Variants in CDC14A observed in about 807,000 individuals in gnomAD.
CDC14A encodes the protein cell division cycle 14A.
CDC14A carries 53 observed loss-of-function variants against 74.4 expected under a neutral mutation model. The observed-to-expected ratio is 0.71, with a 90% CI of 0.57 to 0.89. The LOEUF (loss-of-function observed/expected upper bound fraction) is 0.89, where lower values mean the gene tolerates loss of function less well. Among genes scored for constraint, CDC14A ranks in the 40% least tolerant of loss-of-function variants. CDC14A has a pLI of 0.00. For synonymous variants in CDC14A, 247 were observed against 258.4 expected, an observed-to-expected ratio of 0.96 and a Z score of 0.43; for missense variants, 646 against 713.7, an observed-to-expected ratio of 0.91 and a Z score of 1.08.
chr1:100,452,735 A>C (rs981209034), intron 7 of CDC14A, among the ~76,000 whole-genome samples: 1 of 151,978 alleles, frequency 6.6e-6, no homozygotes, highest in Non-Finnish European at 1.5e-5. Flanking sequence ...TTTTTTGCAT[A>C]GTATTTGGTA....
intron 10 of CDC14A, among the ~76,000 whole-genome samples, chr1:100,474,598 T>C (rs1668707625): frequency 8.1e-6 from 1 of 123,698 alleles, no homozygotes; most frequent in Non-Finnish European, 1.7e-5. Flanking sequence ...AAAATTATGT[T>C]TGTGGAGTGT....
chr1:100,516,176 AAAT>A (rs1202824312), intron 15 of CDC14A, among the ~76,000 whole-genome samples: 2 of 152,204 alleles, frequency 1.3e-5, no homozygotes, highest in African/African-American at 4.8e-5. Context: ...GAAATCTTTA[AAAT>A]GTTCTAGACT....
chr1:100,476,115 G>A (rs1388086303), intron 10 of CDC14A, among the ~76,000 whole-genome samples: 1 of 152,158 alleles, frequency 6.6e-6, no homozygotes, highest in Non-Finnish European at 1.5e-5. Flanking sequence ...CCCTTTTCCT[G>A]TTCCTTTGAC....
At chr1:100,446,342 T>A (rs1327781723) in intron 7 of CDC14A, among the ~76,000 whole-genome samples, 1 of 152,326 alleles carries the variant, frequency 6.6e-6, no homozygotes, top group East Asian at 1.9e-4. Context: ...GGGAATCTTA[T>A]AGAAAGAGTG....
At chr1:100,518,206 A>T in intron 15 of CDC14A, 45 bp from the exon 16 acceptor site, 6 of 1,519,460 alleles carry the variant, frequency 3.9e-6, no homozygotes, top group Non-Finnish European at 5.5e-6. Flanking sequence ...TAGAAGTTTT[A>T]CATGTGATGG....
chr1:100,420,057 C>CATATATATAT (rs1383225482), intron 4 of CDC14A, among the ~76,000 whole-genome samples: 23 of 30,560 alleles, frequency 7.5e-4, no homozygotes, highest in African/African-American at 1.4e-3. Flanking sequence ...CACACACACA[C>CATATATATAT]ACACACATAT....
chr1:100,499,500 A>C, intron 15 of CDC14A: 5 of 1,301,550 alleles, frequency 3.8e-6, no homozygotes, highest in Admixed American at 3.1e-5. Flanking sequence ...CTTACCCCCA[A>C]CTCCTTTTTA....
chr1:100,363,942 C>A (rs1653167911), intron 2 of CDC14A, among the ~76,000 whole-genome samples: 1 of 152,112 alleles, frequency 6.6e-6, no homozygotes, highest in Non-Finnish European at 1.5e-5. Context: ...ATTGCTCGAG[C>A]AACATGCTGA....
chr1:100,375,108 G>C (rs375879513), intron 2 of CDC14A, among the ~76,000 whole-genome samples: 1 of 152,204 alleles, frequency 6.6e-6, no homozygotes, highest in Non-Finnish European at 1.5e-5. Flanking sequence ...GATTGGAAAG[G>C]CTTCATGGAG....
rs1553190651 is a variant in CDC14A at position 100,466,890 on chromosome 1, A to AAAAAG, written c.839-1066_839-1065insAAAAG. Among the ~76,000 whole-genome samples the AAAAAG allele has an allele frequency of 3.0e-3, 448 of 149,034 alleles. 3 individuals carry two copies. Among genetic ancestry groups the AAAAAG allele is most frequent in the African/African-American group, 0.011 (432 of 39,310 alleles). On this transcript the variant is annotated intron_variant, in intron 9 of 15. Transcript: ENST00000336454. The stretch of plus-strand genomic sequence containing the variant: ...GGTCTCCAAAAAAAAAAAAAAAAAA[A>AAAAAG]GAAGGGTTAATGGGAAGGAAATGTC...
rs553550297 is a variant in CDC14A, at chr1:100,381,272, G to A, written c.216+3651G>A. ...CTGTGTGCTGATTTCTTAACCCTTT[G>A]TTATCTAACTTTTGCCTTCCCTACT... On this transcript the variant is annotated intron_variant, in intron 3 of 15. Coordinates refer to ENST00000336454, the MANE Select transcript of CDC14A (RefSeq NM_003672.4). Among the ~76,000 whole-genome samples the A allele has an allele frequency of 5.3e-5, 8 of 152,242 alleles. No homozygotes were observed. The South Asian group carries it at 1.5e-3, about 28-fold the overall frequency.
chr1:100,362,972 G>C (rs887187032), intron 2 of CDC14A: 1 of 152,228 alleles, frequency 6.6e-6, no homozygotes, highest in Non-Finnish European at 1.5e-5. Flanking sequence ...AGGGAAAAGC[G>C]GGCCTGCAGC....
chr1:100,514,089 T>C (rs1650003227), intron 15 of CDC14A, among the ~76,000 whole-genome samples: 1 of 117,266 alleles, frequency 8.5e-6, no homozygotes, highest in Admixed American at 1.0e-4. Context: ...TTGAATATTA[T>C]ATTTGAGAAA....
intron 6 of CDC14A, among the ~76,000 whole-genome samples, chr1:100,442,010 T>C (rs1246670232): frequency 6.6e-6 from 1 of 152,114 alleles, no homozygotes; most frequent in African/African-American, 2.4e-5. Flanking sequence ...TTGTATTCTG[T>C]TGTAATCTGT....
At chr1:100,349,589 A>G (rs1650734506), upstream of CDC14A, among the ~76,000 whole-genome samples, 1 of 152,192 alleles carries the variant, frequency 6.6e-6, no homozygotes, top group Admixed American at 6.5e-5. Flanking sequence ...AATTTTCTAT[A>G]CCATTTAGAA....
At chr1:100,499,731 G>A (rs115422169) in intron 15 of CDC14A, among the ~76,000 whole-genome samples, 2,051 of 152,268 alleles carry the variant, frequency 0.013, 25 homozygotes, top group Non-Finnish European at 0.021. Context: ...GTATTGAAAC[G>A]TGGAAGGTGC....
chr1:100,363,263 C>G (rs1028851610), intron 2 of CDC14A: 1 of 152,238 alleles, frequency 6.6e-6, no homozygotes, highest in Non-Finnish European at 1.5e-5. Flanking sequence ...CCGACATTCA[C>G]CTGTGCAAGT....
At chr1:100,346,537 T>C (rs1557666695) in intron 1 of CDC14A, among the ~76,000 whole-genome samples, 1 of 149,618 alleles carries the variant, frequency 6.7e-6, no homozygotes, top group Non-Finnish European at 1.5e-5. Context: ...GAGCCTGAGA[T>C]GGGGGAATCA....
chr1:100,420,353 C>T (rs1380128509), intron 4 of CDC14A, among the ~76,000 whole-genome samples: 2 of 151,440 alleles, frequency 1.3e-5, no homozygotes, highest in African/African-American at 4.8e-5. Flanking sequence ...TTCCAAAATG[C>T]TTCAGAAATT....
Sources: gnomAD v4.1 joint callset for allele counts (sites outside exome capture counted in the v4.1 genomes callset) on GRCh38, gnomAD v4.1.1 for gene constraint, MANE v1.5 for transcripts, NCBI Gene and HGNC (gene_info 2026-07-23, HGNC 2026-07-21) for gene names.